Variants in WDR76 observed in about 807,000 individuals in gnomAD.
WDR76 encodes WD repeat-containing protein 76.
A neutral mutation model predicts 70.2 loss-of-function variants in WDR76; 52 were observed. The observed-to-expected ratio is 0.74, with a 90% confidence interval of 0.59 to 0.93. WDR76 has a LOEUF of 0.93. Among genes scored for constraint, WDR76 ranks in the 40% least tolerant of loss-of-function variants. WDR76 has a pLI of 0.00. For synonymous variants in WDR76, 292 were observed against 271.1 expected (o/e 1.08, Z -0.76); for missense variants, 756 against 760.2 (o/e 0.99, Z 0.07).
chr15:43,829,047 C>T (rs977794506), intron 2 of WDR76, among the ~76,000 whole-genome samples: 5 of 151,824 alleles, frequency 3.3e-5, no homozygotes, highest in Admixed American at 6.6e-5. Flanking sequence ...GGATTACAGG[C>T]GCGTGCCACC....
chr15:43,832,168 A>G (rs949310465), intron 2 of WDR76, among the ~76,000 whole-genome samples: 5 of 152,020 alleles, frequency 3.3e-5, no homozygotes, highest in African/African-American at 9.7e-5. Flanking sequence ...GCTTCCTTCA[A>G]TGTTGAAAGT....
rs779955272 is a variant in WDR76 at position 43,866,409 on chromosome 15, C to T, written c.*17C>T. The T allele has an allele frequency of 2.5e-6, 4 of 1,611,238 alleles. No individual in the cohort carries two copies. The highest frequency in any genetic ancestry group is 2.7e-5 in the African/African-American group (2 of 74,804). ...AGCTGCTGAGTTTTTGGTTTAGGAACATCAATTTGTTCAAATTGACCACTG... is the reference window on the plus strand; with the variant it reads ...AGCTGCTGAGTTTTTGGTTTAGGAATATCAATTTGTTCAAATTGACCACTG... On this transcript the variant is annotated 3_prime_UTR_variant, in exon 13 of 13. Coordinates refer to ENST00000263795, the MANE Select transcript of WDR76 (RefSeq NM_024908.4).
chr15:43,864,878 G>T (rs2088050133), intron 12 of WDR76, among the ~76,000 whole-genome samples: 1 of 152,018 alleles, frequency 6.6e-6, no homozygotes, highest in African/African-American at 2.4e-5. Flanking sequence ...ATAGGCATGA[G>T]CCACTGTGCC....
intron 12 of WDR76, among the ~76,000 whole-genome samples, chr15:43,862,276 C>CTTTTTTTTTTTTTTTTTTTTTTTTTTTT: frequency 2.4e-5 from 1 of 42,140 alleles, no homozygotes; most frequent in Non-Finnish European, 4.7e-5. Flanking sequence ...TTATCAGTTT[C>CTTTTTTTTTTTTTTTTTTTTTTTTTTTT]TTTTTTTTTT....
Position 43,828,132 on chromosome 15 carries a change from C to A in WDR76, c.228C>A (p.Asn76Lys). ...AATCCCTATCAGAAAAGAATTCTAA[C>A]AATGAAGTGGCGTGTAAGAAGACTA... ...CPKSLSEKNS[N>K]NEVACKKTKI... The change falls in exon 2 of 13, where the codon AAC becomes AAA. Residue 76 changes from asparagine to lysine, a missense_variant. Coordinates refer to ENST00000263795, the MANE Select transcript of WDR76 (RefSeq NM_024908.4). The A allele has an allele frequency of 6.2e-7, 1 of 1,614,132 alleles. No homozygotes were observed. Among genetic ancestry groups the A allele is most frequent in the South Asian group, 1.1e-5 (1 of 91,082 alleles).
chr15:43,834,950 A>T, intron 2 of WDR76, 111 bp from the exon 3 acceptor site: 1 of 851,066 alleles, frequency 1.2e-6, no homozygotes, highest in Non-Finnish European at 1.8e-6. Flanking sequence ...GAATAGAGAT[A>T]GTACAATTTG....
At chr15:43,858,082 A>G (rs1215189630) in intron 10 of WDR76, among the ~76,000 whole-genome samples, 2 of 147,300 alleles carry the variant, frequency 1.4e-5, no homozygotes, top group Non-Finnish European at 3.0e-5. Context: ...ATAGGCGTGC[A>G]CTACCATACC....
rs1190127710 is a variant in WDR76, at chr15:43,828,208, T to A, written c.304T>A (p.Ser102Thr). Residue 102 changes from serine (S) to threonine (T), a missense_variant, in exon 2 of 13, where the codon TCT becomes ACT. Coordinates refer to ENST00000263795, the MANE Select transcript of WDR76 (RefSeq NM_024908.4). ...RIIPPKMKNT[S>T]SKAESTLQNS... Reference sequence around the variant, plus strand: ...TATACCTCCAAAGATGAAAAACACATCTTCCAAGGCAGAATCCACGCTGCA... The same window carrying A: ...TATACCTCCAAAGATGAAAAACACAACTTCCAAGGCAGAATCCACGCTGCA... The A allele has an allele frequency of 6.2e-7, 1 of 1,614,114 alleles. No individual in the cohort carries two copies. Among genetic ancestry groups the A allele is most frequent in the Non-Finnish European group, 8.5e-7 (1 of 1,180,020 alleles).
At chr15:43,863,531 C>T (rs1030839485) in intron 12 of WDR76, among the ~76,000 whole-genome samples, 1 of 151,474 alleles carries the variant, frequency 6.6e-6, no homozygotes, top group African/African-American at 2.4e-5. Context: ...CCCTCTCTGC[C>T]CAGCAGTTTG....
chr15:43,833,711 A>G (rs1596067240), intron 2 of WDR76, among the ~76,000 whole-genome samples: 1 of 150,816 alleles, frequency 6.6e-6, no homozygotes, highest in African/African-American at 2.4e-5. Context: ...ATCTGGGTTC[A>G]CTGCAACCTC....
intron 8 of WDR76, among the ~76,000 whole-genome samples, chr15:43,847,271 T>C (rs1416683762): frequency 6.6e-6 from 1 of 152,110 alleles, no homozygotes; most frequent in Admixed American, 6.6e-5. Flanking sequence ...TTTTTTTCTT[T>C]TTTTTTGAGA....
rs2087935612 is a variant in WDR76 at position 43,856,969 on chromosome 15, C to G, written c.1215C>G (p.Ser405Arg). ...FEEVYRNERS[S>R]FSSFDFLAED... Reference sequence around the variant, plus strand: ...AGGTGTATAGAAATGAAAGAAGTAGCTTTTCCTCCTTCGACTTCTTGGCAG... The same window carrying G: ...AGGTGTATAGAAATGAAAGAAGTAGGTTTTCCTCCTTCGACTTCTTGGCAG... The change falls in exon 10 of 13, where the codon AGC (serine) becomes AGG (arginine). Residue 405 changes from serine to arginine, a missense_variant. By Grantham distance (110) the Ser-to-Arg change is moderately radical (BLOSUM62 -1). Transcript: ENST00000263795. 1 of 1,613,780 alleles carries G rather than the reference C, an allele frequency of 6.2e-7. No homozygotes were observed. The highest frequency in any genetic ancestry group is 1.1e-5 in the South Asian group (1 of 91,056).
chr15:43,855,594 T>C (rs1045795857), intron 9 of WDR76, among the ~76,000 whole-genome samples: 1 of 152,018 alleles, frequency 6.6e-6, no homozygotes, highest in African/African-American at 2.4e-5. Flanking sequence ...CCCCTCTTAA[T>C]TGACAGGAAG....
At chr15:43,834,340 G>A (rs1056036776) in intron 2 of WDR76, among the ~76,000 whole-genome samples, 2 of 103,536 alleles carry the variant, frequency 1.9e-5, no homozygotes, top group Admixed American at 1.2e-4. Flanking sequence ...CGCTCTTATT[G>A]TCCAGGCTAG....
At chr15:43,864,400 A>G (rs897740723) in intron 12 of WDR76, among the ~76,000 whole-genome samples, 2 of 152,076 alleles carry the variant, frequency 1.3e-5, no homozygotes, top group Non-Finnish European at 2.9e-5. Context: ...TCTTCTCCAT[A>G]TCTTTACCAA....
chr15:43,864,996 C>G (rs2088051776), intron 12 of WDR76, among the ~76,000 whole-genome samples: 1 of 152,238 alleles, frequency 6.6e-6, no homozygotes, highest in African/African-American at 2.4e-5. Context: ...GCGATCTCAG[C>G]TCGCTGCAAC....
intron 10 of WDR76, among the ~76,000 whole-genome samples, chr15:43,858,255 TG>T (rs1239847891): frequency 1.8e-4 from 26 of 146,160 alleles, no homozygotes; most frequent in African/African-American, 6.3e-4. Context: ...TTTTTTTTTT[TG>T]TTTGTTTGTT....
chr15:43,842,539 G>T, intron 6 of WDR76, 23 bp downstream of exon 6: 1 of 1,608,734 alleles, frequency 6.2e-7, no homozygotes, highest in Non-Finnish European at 8.5e-7. Flanking sequence ...AAGGCCAATA[G>T]CCTTTAGAAT....
intron 9 of WDR76, among the ~76,000 whole-genome samples, chr15:43,852,696 T>G (rs2087876916): frequency 6.6e-6 from 1 of 152,180 alleles, no homozygotes; most frequent in African/African-American, 2.4e-5. Flanking sequence ...ACATTTCATA[T>G]AAATGAAATC....
Sources: gnomAD v4.1 joint callset for allele counts (sites outside exome capture counted in the v4.1 genomes callset) on GRCh38, gnomAD v4.1.1 for gene constraint, MANE v1.5 for transcripts, NCBI Gene and HGNC (gene_info 2026-07-23, HGNC 2026-07-21) for gene names.